The following ATG5 variants were observed in gnomAD, a reference collection of about 807,000 sequenced individuals.
The protein encoded by ATG5 is autophagy related 5, also known as autophagy protein 5.
ATG5 carries 14 observed loss-of-function variants against 36.5 expected under a neutral mutation model. That is an observed-to-expected ratio of 0.38 (90% CI 0.25 to 0.60). ATG5 has a LOEUF of 0.60. Ranked by LOEUF, ATG5 falls within the 20% of genes least tolerant of loss-of-function variation. The pLI, the probability that ATG5 is intolerant of heterozygous loss-of-function variation, is 0.60. For missense variants in ATG5, 195 were observed against 326.7 expected (o/e 0.60, Z 3.11); for synonymous variants, 95 against 101.5 (o/e 0.94, Z 0.38).
chr6:106,269,267 G>A (rs1779346727), intron 5 of ATG5, among the ~76,000 whole-genome samples: 1 of 152,148 alleles, frequency 6.6e-6, no homozygotes, highest in Non-Finnish European at 1.5e-5. Context: ...CCTTGAGCTA[G>A]ATACAGAGTG....
intron 6 of ATG5, among the ~76,000 whole-genome samples, chr6:106,205,347 G>T (rs755185815): frequency 6.6e-6 from 1 of 152,190 alleles, no homozygotes; most frequent in Non-Finnish European, 1.5e-5. Context: ...CAAGAATTTG[G>T]AGCTCTCATT....
intron 6 of ATG5, among the ~76,000 whole-genome samples, chr6:106,245,618 A>G (rs767164184): frequency 2.0e-5 from 3 of 152,138 alleles, no homozygotes; most frequent in Non-Finnish European, 4.4e-5. Context: ...AAGCATGCTC[A>G]GTACTCTGTC....
chr6:106,313,904 T>C (rs1241302159), intron 2 of ATG5, among the ~76,000 whole-genome samples: 2 of 152,228 alleles, frequency 1.3e-5, no homozygotes, highest in African/African-American at 4.8e-5. Flanking sequence ...ATAGCAAAAT[T>C]TGGATTGTGC....
intron 6 of ATG5, among the ~76,000 whole-genome samples, chr6:106,242,718 T>C (rs1317165561): frequency 6.6e-6 from 1 of 152,194 alleles, no homozygotes; most frequent in Non-Finnish European, 1.5e-5. Flanking sequence ...CAAAATTTAT[T>C]ACAAATGATG....
At chr6:106,310,822 TA>T (rs1406831735) in intron 2 of ATG5, among the ~76,000 whole-genome samples, 6 of 152,302 alleles carry the variant, frequency 3.9e-5, no homozygotes, top group Non-Finnish European at 7.4e-5. Flanking sequence ...GTGCCTGGTT[TA>T]TTTCACTTAA....
intron 6 of ATG5, among the ~76,000 whole-genome samples, chr6:106,206,464 T>A (rs1431979664): frequency 1.3e-5 from 2 of 151,880 alleles, no homozygotes; most frequent in East Asian, 3.9e-4. Flanking sequence ...GCCTGGCCAA[T>A]ATGGTGAAAC....
intron 3 of ATG5, among the ~76,000 whole-genome samples, chr6:106,307,241 A>G (rs1770481593): frequency 6.6e-6 from 1 of 152,212 alleles, no homozygotes; most frequent in African/African-American, 2.4e-5. Context: ...TCATTTTAAT[A>G]TTCCCCGATT....
chr6:106,314,643 T>C (rs548129364), intron 2 of ATG5, among the ~76,000 whole-genome samples: 110 of 152,270 alleles, frequency 7.2e-4, no homozygotes, highest in Middle Eastern at 3.4e-3. Context: ...AATATACTCT[T>C]ATACTCTCAC....
intron 6 of ATG5, among the ~76,000 whole-genome samples, chr6:106,207,338 A>G (rs576470781): frequency 2.6e-5 from 4 of 152,304 alleles, no homozygotes; most frequent in African/African-American, 9.6e-5. Context: ...ACTTATAAAC[A>G]TTTTAGGAAA....
chr6:106,206,354 C>T (rs571283794), intron 6 of ATG5, among the ~76,000 whole-genome samples: 2 of 152,178 alleles, frequency 1.3e-5, no homozygotes, highest in African/African-American at 2.4e-5. Context: ...TCTCTGACTT[C>T]CCAGCCTCCA....
intron 4 of ATG5, 59 bp downstream of exon 4, chr6:106,292,969 T>G: frequency 7.3e-7 from 1 of 1,363,836 alleles, no homozygotes; most frequent in African/African-American, 1.5e-5. Context: ...AAAATTCTAC[T>G]CGAAGTCTAT....
intron 5 of ATG5, among the ~76,000 whole-genome samples, chr6:106,265,358 T>C (rs991011894): frequency 2.6e-5 from 4 of 152,034 alleles, no homozygotes; most frequent in Non-Finnish European, 5.9e-5. Context: ...TAAAACAAGT[T>C]CTTCAAGATC....
chr6:106,275,226 A>G (rs1473882353), intron 5 of ATG5, among the ~76,000 whole-genome samples: 1 of 152,234 alleles, frequency 6.6e-6, no homozygotes, highest in Non-Finnish European at 1.5e-5. Flanking sequence ...CCTTTTACCC[A>G]TTTACATTAA....
At chr6:106,212,310 C>T (rs781648234) in intron 6 of ATG5, among the ~76,000 whole-genome samples, 31 of 152,240 alleles carry the variant, frequency 2.0e-4, no homozygotes, top group Admixed American at 1.3e-4. Context: ...TATGAGTGTG[C>T]TTGTTCATGC....
At chr6:106,218,716 A>T (rs1232573312) in intron 6 of ATG5, among the ~76,000 whole-genome samples, 56 of 152,176 alleles carry the variant, frequency 3.7e-4, no homozygotes, top group Admixed American at 3.7e-3. Flanking sequence ...CAGACGTCAG[A>T]ATTGTCCCAA....
intron 3 of ATG5, among the ~76,000 whole-genome samples, chr6:106,293,732 T>C (rs772357434): frequency 6.6e-5 from 10 of 152,166 alleles, no homozygotes; most frequent in Non-Finnish European, 1.2e-4. Context: ...AAAAAATAAG[T>C]TCCAAAATAA....
At chr6:106,214,703 G>C (rs117494489) in intron 6 of ATG5, among the ~76,000 whole-genome samples, 4 of 152,084 alleles carry the variant, frequency 2.6e-5, no homozygotes, top group African/African-American at 9.7e-5. Context: ...TCAAATAAGC[G>C]CAACACTTTG....
intron 6 of ATG5, among the ~76,000 whole-genome samples, chr6:106,223,830 A>C (rs1777344052): frequency 6.6e-6 from 1 of 152,244 alleles, no homozygotes; most frequent in Admixed American, 6.5e-5. Flanking sequence ...TCTAAGATCC[A>C]AGTTCTACTG....
intron 7 of ATG5, among the ~76,000 whole-genome samples, chr6:106,199,636 A>G (rs1776342271): frequency 6.6e-6 from 1 of 152,238 alleles, no homozygotes; most frequent in Non-Finnish European, 1.5e-5. Context: ...GCACAACTCT[A>G]TAAATTTACT....
Sources: allele counts gnomAD v4.1 joint callset (sites outside exome capture counted in the v4.1 genomes callset), GRCh38; gene constraint gnomAD v4.1.1; transcripts MANE v1.5; gene names NCBI Gene and HGNC (gene_info 2026-07-23, HGNC 2026-07-21).